XKR9: variants seen among roughly 807,000 people sequenced by gnomAD.
XKR9 encodes XK related 9, also known as XK-related protein 9.
XKR9 carries 32 observed loss-of-function variants against 32.0 expected under a neutral mutation model. That is an observed-to-expected ratio of 1.00 (90% CI 0.76 to 1.34). The LOEUF is 1.34. Ranked by LOEUF, XKR9 falls within the 40% of genes most tolerant of loss-of-function variation. The pLI is 0.00. For synonymous variants in XKR9, 168 were observed against 143.4 expected (o/e 1.17, Z -1.22); for missense variants, 546 against 429.7 (o/e 1.27, Z -2.39).
intron 2 of XKR9, among the ~76,000 whole-genome samples, chr8:70,743,883 T>C (rs1807021330): frequency 6.6e-6 from 1 of 152,080 alleles, no homozygotes; most frequent in Admixed American, 6.6e-5. Context: ...TCGACCTCTC[T>C]CCAGTGTCTG....
At chr8:70,907,197 GA>G in the XKR9 span, among the ~76,000 whole-genome samples, 1 of 152,018 alleles carries the variant, frequency 6.6e-6, no homozygotes, top group African/African-American at 2.4e-5. Context: ...GACATATAAG[GA>G]TTCTATTTGA....
At chr8:70,890,160 C>T in the XKR9 span, among the ~76,000 whole-genome samples, 1 of 151,870 alleles carries the variant, frequency 6.6e-6, no homozygotes, top group African/African-American at 2.4e-5. Flanking sequence ...ATTTGCATTT[C>T]TCTGATGATT....
At chr8:71,041,877 C>T in the XKR9 span, among the ~76,000 whole-genome samples, 1 of 152,178 alleles carries the variant, frequency 6.6e-6, no homozygotes, top group Non-Finnish European at 1.5e-5. Flanking sequence ...TCAATTAAAC[C>T]TCTTTCTTTT....
At chr8:70,778,136 T>G (rs1408512886) in intron 2 of XKR9, among the ~76,000 whole-genome samples, 1 of 152,178 alleles carries the variant, frequency 6.6e-6, no homozygotes, top group Admixed American at 6.5e-5. Flanking sequence ...TTGTATAAGG[T>G]GTAAGGAAGG....
chr8:70,820,489 G>A, the XKR9 span, among the ~76,000 whole-genome samples: 1 of 152,142 alleles, frequency 6.6e-6, no homozygotes, highest in Admixed American at 6.5e-5. Flanking sequence ...ATGATAGAGG[G>A]AGCAAGAGAG....
At chr8:70,767,754 G>A (rs758844676) in intron 2 of XKR9, among the ~76,000 whole-genome samples, 67 of 151,942 alleles carry the variant, frequency 4.4e-4, no homozygotes, top group Non-Finnish European at 8.4e-4. Context: ...GCCTGTTTCA[G>A]CCTCCCAAAG....
chr8:70,898,474 T>C, the XKR9 span, among the ~76,000 whole-genome samples: 3 of 152,194 alleles, frequency 2.0e-5, no homozygotes. Context: ...GGTATTTTGA[T>C]GTGGGGTTGT....
the XKR9 span, among the ~76,000 whole-genome samples, chr8:70,997,287 G>T: frequency 1.3e-5 from 2 of 151,448 alleles, no homozygotes; most frequent in African/African-American, 4.9e-5. Flanking sequence ...ACAAGGGTGA[G>T]ACTCCATCTC....
Position 70,767,059 on chromosome 8 carries a change from C to G in XKR9, n.353-22280C>G, listed in dbSNP as rs184582055. 6.6e-5 allele frequency among the ~76,000 whole-genome samples: 10 copies of G among 151,928 alleles called. No homozygotes were observed. In the South Asian group the frequency reaches 1.0e-3, roughly 16 times the overall value. On this transcript the variant is annotated intron_variant and non_coding_transcript_variant, in intron 2 of 3. Coordinates refer to the XKR9 transcript ENST00000520273. The stretch of plus-strand genomic sequence containing the variant: ...ATCAGGGATATTGTCCTGAAATTTT[C>G]TTTTTTTTGTTGTGTCTTTGCCAGG...
intron 2 of XKR9, among the ~76,000 whole-genome samples, chr8:70,754,828 A>G (rs1807194737): frequency 6.6e-6 from 1 of 152,084 alleles, no homozygotes; most frequent in Admixed American, 6.6e-5. Context: ...AAACCTAGGC[A>G]TTACCATTCA....
At chr8:70,835,810 T>A in the XKR9 span, among the ~76,000 whole-genome samples, 1 of 152,052 alleles carries the variant, frequency 6.6e-6, no homozygotes, top group Non-Finnish European at 1.5e-5. Context: ...TGATCCATTG[T>A]TTTGAGAGAT....
chr8:70,919,153 C>T, the XKR9 span, among the ~76,000 whole-genome samples: 3 of 152,112 alleles, frequency 2.0e-5, no homozygotes, highest in African/African-American at 4.8e-5. Context: ...ATTTACATTT[C>T]GACTCTGCAA....
intron 2 of XKR9, among the ~76,000 whole-genome samples, chr8:70,746,313 C>A (rs548509770): frequency 1.4e-5 from 2 of 146,984 alleles, no homozygotes; most frequent in African/African-American, 5.0e-5. Flanking sequence ...ATCAGAATCA[C>A]CTGAAGTGCT....
intron 2 of XKR9, among the ~76,000 whole-genome samples, chr8:70,763,454 A>G (rs562388522): frequency 6.6e-6 from 1 of 152,280 alleles, no homozygotes; most frequent in South Asian, 2.1e-4. Flanking sequence ...TGAGGTAAGA[A>G]TCCCCCTGTG....
At chr8:70,912,266 T>C in the XKR9 span, among the ~76,000 whole-genome samples, 1 of 152,174 alleles carries the variant, frequency 6.6e-6, no homozygotes, top group South Asian at 2.1e-4. Flanking sequence ...CATGATCAGA[T>C]TCATAATTTC....
At chr8:70,858,643 A>G in the XKR9 span, among the ~76,000 whole-genome samples, 1 of 152,150 alleles carries the variant, frequency 6.6e-6, no homozygotes, top group Non-Finnish European at 1.5e-5. Context: ...TCAGCATCAC[A>G]CTGGTATAAA....
chr8:70,957,341 G>A, the XKR9 span, among the ~76,000 whole-genome samples: 1 of 152,094 alleles, frequency 6.6e-6, no homozygotes, highest in East Asian at 1.9e-4. Flanking sequence ...ACTAGAAAGA[G>A]CATGAACTTC....
chr8:70,794,241 A>G (rs1807800448), downstream of XKR9, among the ~76,000 whole-genome samples: 1 of 152,082 alleles, frequency 6.6e-6, no homozygotes, highest in African/African-American at 2.4e-5. Context: ...TATTAGTTCT[A>G]ACAGGTTTTT....
At chr8:70,924,220 C>T in the XKR9 span, among the ~76,000 whole-genome samples, 2 of 152,120 alleles carry the variant, frequency 1.3e-5, no homozygotes, top group South Asian at 4.1e-4. Context: ...CTTTGTCTTG[C>T]CTTCTGATTA....
Sources: allele counts gnomAD v4.1 joint callset (sites outside exome capture counted in the v4.1 genomes callset), GRCh38; gene constraint gnomAD v4.1.1; transcripts MANE v1.5; gene names NCBI Gene and HGNC (gene_info 2026-07-23, HGNC 2026-07-21).